Variants in CPLANE1 observed in about 807,000 individuals in gnomAD.
CPLANE1 encodes ciliogenesis and planar polarity effector 1.
A neutral mutation model predicts 362.5 loss-of-function variants in CPLANE1; 263 were observed. The ratio of observed to expected loss-of-function variants is 0.73; its 90% CI spans 0.66 to 0.80. CPLANE1 has a LOEUF of 0.80. Among genes scored for constraint, CPLANE1 ranks in the 30% least tolerant of loss-of-function variants. CPLANE1 has a pLI of 0.00. For synonymous variants in CPLANE1, 1,212 were observed against 1,302.6 expected, an observed-to-expected ratio of 0.93 and a Z score of 1.50; for missense variants, 3,461 against 3,793.4, an observed-to-expected ratio of 0.91 and a Z score of 2.30.
chr5:37,232,523 A>G (rs1364987780), intron 8 of CPLANE1, among the ~76,000 whole-genome samples: 14 of 94,070 alleles, frequency 1.5e-4, no homozygotes, highest in East Asian at 9.6e-4. Context: ...TCTTGGGGGA[A>G]AAAAAAAAAA....
At chr5:37,094,638 A>G in the CPLANE1 span, among the ~76,000 whole-genome samples, 4 of 152,220 alleles carry the variant, frequency 2.6e-5, no homozygotes, top group East Asian at 7.7e-4. Flanking sequence ...GATAAATGAA[A>G]CAAAAACCTG....
At chr5:37,132,344 T>G (rs6873788) in intron 46 of CPLANE1, among the ~76,000 whole-genome samples, 2,920 of 136,312 alleles carry the variant, frequency 0.021, 117 homozygotes, top group African/African-American at 0.078. Flanking sequence ...CAAGTTTTTT[T>G]TTTTTTTTTT....
At chr5:37,092,470 G>C in the CPLANE1 span, among the ~76,000 whole-genome samples, 1 of 152,324 alleles carries the variant, frequency 6.6e-6, no homozygotes, top group Middle Eastern at 3.4e-3. Flanking sequence ...GGAAAGTACT[G>C]GATTTTACTT....
At position 37,173,900 on chromosome 5, in the gene CPLANE1, A is replaced by G. The variant is rs1561493895; in HGVS notation, c.6026T>C (p.Leu2009Pro). Reference protein sequence around the residue: ...YKEKSSSVPLLISNGVNVASQ... With the variant: ...YKEKSSSVPLPISNGVNVASQ... ...AGCAACATTGACTCCATTTGATATC[A>G]GAAGTGGAACTGAGGAAGATTTTTC... The change falls in exon 32 of 53, where the codon CTG (leucine) becomes CCG (proline). Residue 2009 changes from leucine to proline, a missense_variant. This residue lies in a region of CPLANE1 where 3,380 missense variants were observed against 3,666.1 expected (regional missense o/e 0.92). Transcript: ENST00000651892. 1 of 1,614,182 alleles carries G rather than the reference A, an allele frequency of 6.2e-7. No homozygotes were observed. Among genetic ancestry groups the G allele is most frequent in the Admixed American group, 1.7e-5 (1 of 60,030 alleles).
intron 25 of CPLANE1, 110 bp from the exon 26 acceptor site, chr5:37,183,809 G>T: frequency 1.4e-6 from 1 of 731,510 alleles, no homozygotes; most frequent in Non-Finnish European, 2.2e-6. Flanking sequence ...TGTATATTTT[G>T]TGTGCCTCAA....
chr5:37,114,079 A>AG (rs1760171685), intron 51 of CPLANE1, among the ~76,000 whole-genome samples: 1 of 152,134 alleles, frequency 6.6e-6, no homozygotes, highest in Admixed American at 6.5e-5. Flanking sequence ...CCAAAGTGCT[A>AG]GGATTATAGG....
At position 37,167,229 on chromosome 5, in the gene CPLANE1, A is replaced by G. The variant is rs1281686212; in HGVS notation, c.7234-16T>C. 1 of 1,581,998 alleles carries G rather than the reference A, an allele frequency of 6.3e-7. No homozygotes were observed. Among genetic ancestry groups the G allele is most frequent in the African/African-American group, 1.4e-5 (1 of 73,152 alleles). On this transcript the variant is annotated splice_polypyrimidine_tract_variant and intron_variant, in intron 34 of 52. Transcript: ENST00000651892. ...TTTTTTTGCACTACAAGAAAGAAAC[A>G]AAGCATAAGAATGACAAATTGCAAA...
rs185531875 is a variant in CPLANE1, at chr5:37,161,896, A to G, written c.7690+569T>C. ...AAAGTTAGGCTAAAAAGCATGCACA[A>G]GGTTCTGTACATGGGTAAAAGAAAT... On this transcript the variant is annotated intron_variant, in intron 38 of 52. Transcript: ENST00000651892. Among the ~76,000 whole-genome samples the G allele has an allele frequency of 6.6e-3, 1,005 of 152,360 alleles. 8 individuals are homozygous for G. Among genetic ancestry groups the G allele is most frequent in the African/African-American group, 0.023 (946 of 41,582 alleles).
At chr5:37,094,692 T>C in the CPLANE1 span, among the ~76,000 whole-genome samples, 46 of 152,030 alleles carry the variant, frequency 3.0e-4, no homozygotes, top group Admixed American at 3.0e-3. Context: ...ATAAGCAAGA[T>C]TAACCAAGAA....
At chr5:37,162,628 G>T in intron 37 of CPLANE1, 62 bp from the exon 38 acceptor site, 3 of 1,171,990 alleles carry the variant, frequency 2.6e-6, no homozygotes, top group Non-Finnish European at 3.8e-6. Flanking sequence ...CAGGAGCCCA[G>T]CAGCACAGTA....
chr5:37,141,674 G>A (rs777333788), intron 44 of CPLANE1: 1 of 983,740 alleles, frequency 1.0e-6, no homozygotes, highest in Non-Finnish European at 1.2e-6. Context: ...CAATATCTGA[G>A]AGAAAAAAAA....
Position 37,180,929 on chromosome 5 carries a change from G to A in CPLANE1, c.5498C>T (p.Ser1833Leu). Residue 1833 changes from serine to leucine, a missense_variant, in exon 27 of 53, where the codon TCA (serine) becomes TTA (leucine). Ser to Leu is a moderately radical substitution (Grantham distance 145, BLOSUM62 -2). Transcript: ENST00000651892. ...ERESKSDAGG[S>L]VAVATPGGTE... ...TCCACCTGGAGTTGCTACTGCAACT[G>A]AACCGCCAGCATCTGATTTGCTCTC... 2 of 1,613,214 alleles carry A rather than the reference G, an allele frequency of 1.2e-6. No individual in the cohort carries two copies. Among genetic ancestry groups the A allele is most frequent in the Non-Finnish European group, 8.5e-7 (1 of 1,179,244 alleles).
chr5:37,178,483 C>CCT (rs1781811265), intron 29 of CPLANE1, among the ~76,000 whole-genome samples: 1 of 149,366 alleles, frequency 6.7e-6, no homozygotes, highest in East Asian at 1.9e-4. Flanking sequence ...GTGGTGTGCA[C>CCT]CTATAGTAAG....
rs1796487175 is a variant in CPLANE1 at position 37,226,423 on chromosome 5, T to TAC, written c.2171_2172insGT (p.Leu725TyrfsTer31). On this transcript the variant is annotated frameshift_variant, in exon 12 of 53. Transcript: ENST00000651892. LOFTEE classifies it high-confidence loss of function. ...ACATCTGAAAAATAGGTACCACCAA[T>TAC]GAGTCTTGAGCTGTTATTTTACTTC... 1 of 1,551,112 alleles carries TAC rather than the reference T, an allele frequency of 6.4e-7. No homozygotes were observed. The highest frequency in any genetic ancestry group is 8.7e-7 in the Non-Finnish European group (1 of 1,146,792).
intron 32 of CPLANE1, 66 bp from the exon 33 acceptor site, chr5:37,170,397 T>A: frequency 7.0e-7 from 1 of 1,423,180 alleles, no homozygotes. Flanking sequence ...GGAATAACAA[T>A]AATCATCTGA....
At chr5:37,196,644 G>C (rs951996899) in intron 20 of CPLANE1, among the ~76,000 whole-genome samples, 1 of 152,184 alleles carries the variant, frequency 6.6e-6, no homozygotes, top group African/African-American at 2.4e-5. Context: ...AAAAATTTGA[G>C]GCCAAGCGAG....
intron 8 of CPLANE1, among the ~76,000 whole-genome samples, chr5:37,231,654 G>C (rs975142887): frequency 7.2e-5 from 11 of 152,124 alleles, no homozygotes; most frequent in Non-Finnish European, 1.5e-4. Context: ...TCTACTGATA[G>C]ATTTCAAGGC....
At chr5:37,110,557 TCCA>T (rs1308251539) in intron 51 of CPLANE1, among the ~76,000 whole-genome samples, 1 of 152,180 alleles carries the variant, frequency 6.6e-6, no homozygotes, top group Non-Finnish European at 1.5e-5. Context: ...CTAGAGTAGT[TCCA>T]CCTAGCCAGC....
chr5:37,235,266 T>G (rs1325746241), intron 8 of CPLANE1, among the ~76,000 whole-genome samples: 2 of 152,062 alleles, frequency 1.3e-5, no homozygotes, highest in Non-Finnish European at 2.9e-5. Flanking sequence ...CCTAGCAATA[T>G]ATTTAACCAA....
Sources: allele counts gnomAD v4.1 joint callset (sites outside exome capture counted in the v4.1 genomes callset), GRCh38; gene constraint gnomAD v4.1.1; regional missense constraint gnomAD v4.1.1; transcripts MANE v1.5; gene names NCBI Gene and HGNC (gene_info 2026-07-23, HGNC 2026-07-21).